Variants in CENPP observed in about 807,000 individuals in gnomAD.
The protein encoded by CENPP is centromere protein P.
In CENPP, 24 loss-of-function variants were observed where a neutral mutation model predicts 35.6. The observed-to-expected ratio is 0.67, with a 90% CI of 0.49 to 0.95. The LOEUF is 0.95. CENPP is among the 40% of genes least tolerant of loss of function. CENPP has a pLI of 0.00. For missense variants in CENPP, 332 were observed against 345.3 expected, an observed-to-expected ratio of 0.96 and a Z score of 0.31; for synonymous variants, 120 against 125.5, an observed-to-expected ratio of 0.96 and a Z score of 0.29.
At chr9:92,536,671 A>G (rs1295141007) in intron 5 of CENPP, 1 of 152,246 alleles carries the variant, frequency 6.6e-6, no homozygotes, top group Non-Finnish European at 1.5e-5. Flanking sequence ...AGTTAGAGAC[A>G]GATCAGGATT....
chr9:92,453,296 T>C (rs1189356877), intron 5 of CENPP, among the ~76,000 whole-genome samples: 1 of 152,206 alleles, frequency 6.6e-6, no homozygotes, highest in East Asian at 1.9e-4. Context: ...TCTGGTATGT[T>C]GTGTCTTTGT....
chr9:92,436,754 C>T (rs145965015), intron 5 of CENPP, among the ~76,000 whole-genome samples: 3 of 152,152 alleles, frequency 2.0e-5, no homozygotes. Flanking sequence ...GTCTTCCTGA[C>T]AACACCACCT....
intron 1 of CENPP, among the ~76,000 whole-genome samples, chr9:92,329,616 C>A (rs962887152): frequency 2.0e-5 from 3 of 152,022 alleles, no homozygotes; most frequent in Non-Finnish European, 4.4e-5. Context: ...CTCACTGCAA[C>A]CTTCACCCAC....
At chr9:92,483,804 C>T (rs986917458) in intron 5 of CENPP, among the ~76,000 whole-genome samples, 1 of 152,192 alleles carries the variant, frequency 6.6e-6, no homozygotes, top group African/African-American at 2.4e-5. Context: ...CCTCCCCTCA[C>T]TTAAATAAAG....
rs1330960720 is a variant in CENPP at position 92,330,648 on chromosome 9, C to A, written c.108-1522C>A. ...CTAATACAATTATTAGCTAAAATTTCTTTTTTTAAAAAAGTTTAAGTTTTT... is the reference window on the plus strand; with the variant it reads ...CTAATACAATTATTAGCTAAAATTTATTTTTTTAAAAAAGTTTAAGTTTTT... On this transcript the variant is annotated intron_variant, in intron 1 of 7. Transcript: ENST00000375587. Among the ~76,000 whole-genome samples the A allele has an allele frequency of 2.7e-5, 4 of 145,504 alleles. No homozygotes were observed. In the East Asian group the frequency reaches 8.0e-4, roughly 29 times the overall value.
rs1319311716 is a variant in CENPP at position 92,497,259 on chromosome 9, ATAT to A, written c.565-114053_565-114051del. On this transcript the variant is annotated intron_variant, in intron 5 of 7. Transcript: ENST00000375587. ...GAATAAAATATAGTATATCTGCATA[ATAT>A]TCAGTTGTGAAAAGGAATGAAGAAA... is the stretch of plus-strand genomic sequence containing the variant. Among the ~76,000 whole-genome samples, 5 of 152,196 alleles carry A rather than the reference ATAT, an allele frequency of 3.3e-5. No homozygotes were observed. In the East Asian group the frequency reaches 9.6e-4, roughly 29 times the overall value.
At chr9:92,369,881 T>C (rs186830007) in intron 4 of CENPP, among the ~76,000 whole-genome samples, 10 of 152,352 alleles carry the variant, frequency 6.6e-5, no homozygotes, top group Non-Finnish European at 8.8e-5. Flanking sequence ...ATAGGAGTGA[T>C]AGAAGTCTTA....
At chr9:92,402,396 T>C (rs1001639185) in intron 5 of CENPP, among the ~76,000 whole-genome samples, 1 of 152,224 alleles carries the variant, frequency 6.6e-6, no homozygotes, top group Admixed American at 6.5e-5. Context: ...CTCCAATTTA[T>C]AGTGGAGAAG....
At chr9:92,545,768 T>C (rs143827196) in intron 5 of CENPP, among the ~76,000 whole-genome samples, 3,138 of 152,316 alleles carry the variant, frequency 0.021, 114 homozygotes, top group African/African-American at 0.071. Flanking sequence ...AGCTAAGGGA[T>C]TGTAGATATA....
At chr9:92,448,891 C>A (rs774247302) in intron 5 of CENPP, among the ~76,000 whole-genome samples, 1 of 152,052 alleles carries the variant, frequency 6.6e-6, no homozygotes, top group African/African-American at 2.4e-5. Flanking sequence ...AAACTATAGC[C>A]TAAATGTCTT....
At chr9:92,522,987 TC>T in intron 5 of CENPP, 1 of 1,209,126 alleles carries the variant, frequency 8.3e-7, no homozygotes, top group Non-Finnish European at 1.1e-6. Context: ...AGTAGGCAAG[TC>T]TTTGAGAAAT....
intron 5 of CENPP, among the ~76,000 whole-genome samples, chr9:92,555,211 GA>G (rs1849697664): frequency 3.2e-5 from 4 of 123,358 alleles, no homozygotes; most frequent in Non-Finnish European, 5.0e-5. Flanking sequence ...CTTTTTTTTG[GA>G]AATTTTTTTT....
chr9:92,548,857 T>TTGTG (rs142418071), intron 5 of CENPP, among the ~76,000 whole-genome samples: 17 of 150,438 alleles, frequency 1.1e-4, no homozygotes, highest in South Asian at 4.2e-4. Flanking sequence ...CAGTTCACTT[T>TTGTG]TGTGTGTGTG....
At chr9:92,418,192 T>C (rs958709040) in intron 5 of CENPP, among the ~76,000 whole-genome samples, 9 of 152,022 alleles carry the variant, frequency 5.9e-5, no homozygotes, top group African/African-American at 2.2e-4. Context: ...GTTCAAGTGA[T>C]TCTCCTGCCT....
chr9:92,374,574 CT>C (rs930414744), intron 4 of CENPP, among the ~76,000 whole-genome samples: 1 of 152,110 alleles, frequency 6.6e-6, no homozygotes, highest in Non-Finnish European at 1.5e-5. Flanking sequence ...TTAATAATAC[CT>C]TTAATAATTT....
chr9:92,615,978 G>A lies in CENPP; in HGVS notation c.*2829G>A, dbSNP rs1851416460. ...TACTGATGGGGAATGCTCTCGTAGG[G>A]CTTGAGGTCAAGGTCCAGCACAGAC... On this transcript the variant is annotated 3_prime_UTR_variant, in exon 8 of 8. Coordinates refer to ENST00000375587, the MANE Select transcript of CENPP (RefSeq NM_001012267.3). 16 of 1,614,084 alleles carry A rather than the reference G, an allele frequency of 9.9e-6. No individual in the cohort carries two copies. The East Asian group carries it at 3.3e-4, about 34-fold the overall frequency.
chr9:92,536,805 A>G (rs1849184462), intron 5 of CENPP: 1 of 152,162 alleles, frequency 6.6e-6, no homozygotes, highest in Non-Finnish European at 1.5e-5. Context: ...AAAAGGAATA[A>G]CAGATATGAA....
At chr9:92,328,625 G>A (rs549231782) in intron 1 of CENPP, among the ~76,000 whole-genome samples, 155 of 152,186 alleles carry the variant, frequency 1.0e-3, no homozygotes, top group Middle Eastern at 3.4e-3. Context: ...CTTTAAACTC[G>A]TGTACAGATT....
intron 5 of CENPP, chr9:92,502,477 T>C (rs779113471): frequency 5.0e-6 from 8 of 1,603,462 alleles, no homozygotes; most frequent in Non-Finnish European, 6.8e-6. Flanking sequence ...GAGGAAGAAA[T>C]AGTTCAATAA....
Sources: gnomAD v4.1 joint callset for allele counts (sites outside exome capture counted in the v4.1 genomes callset) on GRCh38, gnomAD v4.1.1 for gene constraint, MANE v1.5 for transcripts, NCBI Gene and HGNC (gene_info 2026-07-23, HGNC 2026-07-21) for gene names.